Variants in BBS9 observed in about 807,000 individuals in gnomAD.
The protein encoded by BBS9 is Bardet-Biedl syndrome 9.
BBS9 carries 89 observed loss-of-function variants against 117.7 expected under a neutral mutation model. The observed-to-expected ratio is 0.76, with a 90% confidence interval of 0.64 to 0.90. BBS9 has a LOEUF of 0.90. BBS9 is among the 40% of genes least tolerant of loss of function. BBS9 has a pLI of 0.00. For missense variants in BBS9, 982 were observed against 1,042.2 expected, an observed-to-expected ratio of 0.94 and a Z score of 0.80; for synonymous variants, 379 against 370.9, an observed-to-expected ratio of 1.02 and a Z score of -0.25.
At chr7:33,294,592 G>A (rs980964796) in intron 9 of BBS9, among the ~76,000 whole-genome samples, 5 of 152,104 alleles carry the variant, frequency 3.3e-5, no homozygotes, top group African/African-American at 9.7e-5. Context: ...GGATACCCAA[G>A]CTTTAAGAGG....
chr7:33,475,106 GT>G (rs1248506298), intron 19 of BBS9, among the ~76,000 whole-genome samples: 1 of 152,182 alleles, frequency 6.6e-6, no homozygotes, highest in Non-Finnish European at 1.5e-5. Flanking sequence ...GGCTCTAGGG[GT>G]TGGCAAACTT....
chr7:33,579,654 A>T (rs1033966453), intron 21 of BBS9, among the ~76,000 whole-genome samples: 2 of 152,236 alleles, frequency 1.3e-5, no homozygotes, highest in Non-Finnish European at 1.5e-5. Context: ...TTCAGAATCC[A>T]TTTCAATAAA....
At chr7:33,148,937 G>A (rs17169847) in intron 2 of BBS9, among the ~76,000 whole-genome samples, 24,610 of 152,078 alleles carry the variant, frequency 0.16, 2,131 homozygotes, top group South Asian at 0.22. Context: ...AAGTTTTCAT[G>A]CTCTTTAGCA....
chr7:33,197,558 T>C (rs1225238952), intron 5 of BBS9, among the ~76,000 whole-genome samples: 1 of 152,050 alleles, frequency 6.6e-6, no homozygotes. Flanking sequence ...ATGCTTAATA[T>C]GAAAAGCAAC....
chr7:33,534,275 G>T, intron 21 of BBS9, 99 bp downstream of exon 21: 2 of 1,282,060 alleles, frequency 1.6e-6, no homozygotes, highest in Non-Finnish European at 1.1e-6. Flanking sequence ...TCATATTAAA[G>T]TGATGATAGC....
At position 33,260,885 on chromosome 7, in the gene BBS9, A is replaced by G. The variant is rs1413832240; in HGVS notation, c.618-3405A>G. Among the ~76,000 whole-genome samples, 2 of 152,214 alleles carry G rather than the reference A, an allele frequency of 1.3e-5. 1 individual carries two copies. The highest frequency in any genetic ancestry group is 4.8e-5 in the African/African-American group (2 of 41,446). On this transcript the variant is annotated intron_variant, in intron 6 of 22. Transcript: ENST00000242067. ...CTGTCTGCTATACCCCTTCCCCAGC[A>G]ACCCCTCAATAGCTCCTAATACATC...
chr7:33,161,972 G>GT (rs1289756870), intron 4 of BBS9, among the ~76,000 whole-genome samples: 1 of 152,082 alleles, frequency 6.6e-6, no homozygotes, highest in Non-Finnish European at 1.5e-5. Flanking sequence ...GGAATTGTTT[G>GT]TTTTTTTCTT....
chr7:33,394,836 T>A (rs1827673536), intron 19 of BBS9, among the ~76,000 whole-genome samples: 1 of 152,210 alleles, frequency 6.6e-6, no homozygotes, highest in African/African-American at 2.4e-5. Context: ...ATTTTATTTA[T>A]TACTTCATTT....
At chr7:33,139,986 T>C (rs911808396) in intron 1 of BBS9, among the ~76,000 whole-genome samples, 1 of 152,120 alleles carries the variant, frequency 6.6e-6, no homozygotes, top group Admixed American at 6.5e-5. Flanking sequence ...TTTGTTTTGA[T>C]CTCAGTGAAT....
intron 18 of BBS9, 146 bp downstream of exon 18, chr7:33,383,984 T>C: frequency 2.3e-6 from 2 of 853,106 alleles, no homozygotes; most frequent in East Asian, 2.7e-5. Context: ...CGTGAATCCA[T>C]TCCTGCCCAC....
chr7:33,582,849 C>T (rs2129163555), intron 21 of BBS9, among the ~76,000 whole-genome samples: 1 of 152,256 alleles, frequency 6.6e-6, no homozygotes, highest in East Asian at 1.9e-4. Flanking sequence ...CCCCTTATGA[C>T]TGCCATGGTG....
At chr7:33,448,931 C>T (rs1837374580) in intron 19 of BBS9, among the ~76,000 whole-genome samples, 1 of 152,188 alleles carries the variant, frequency 6.6e-6, no homozygotes, top group Admixed American at 6.5e-5. Flanking sequence ...CATTTCCTCC[C>T]AGAGGACAAG....
chr7:33,622,253 A>T (rs1035776253), intron 21 of BBS9, among the ~76,000 whole-genome samples: 1 of 152,062 alleles, frequency 6.6e-6, no homozygotes, highest in Non-Finnish European at 1.5e-5. Flanking sequence ...ATACTGCATG[A>T]CCTCACTTAT....
chr7:33,254,525 A>G (rs76398692), intron 5 of BBS9, among the ~76,000 whole-genome samples: 5,763 of 152,256 alleles, frequency 0.038, 197 homozygotes, highest in African/African-American at 0.088. Context: ...TTTTGTGATG[A>G]GAACAAAGAT....
intron 5 of BBS9, 48 bp from the exon 6 acceptor site, chr7:33,257,188 T>C: frequency 7.8e-7 from 1 of 1,275,258 alleles, no homozygotes; most frequent in East Asian, 2.6e-5. Flanking sequence ...AAAAATATTA[T>C]ATTTATAAAA....
intron 14 of BBS9, among the ~76,000 whole-genome samples, chr7:33,352,519 A>G (rs563602153): frequency 1.4e-4 from 21 of 152,292 alleles, no homozygotes; most frequent in Middle Eastern, 3.4e-3. Context: ...AAATATTAAT[A>G]TTATGTATTT....
At chr7:33,285,244 A>G (rs1802653570) in intron 9 of BBS9, among the ~76,000 whole-genome samples, 2 of 152,106 alleles carry the variant, frequency 1.3e-5, no homozygotes, top group Non-Finnish European at 2.9e-5. Flanking sequence ...TCTGAATCAG[A>G]TGGGGCAGTG....
intron 5 of BBS9, among the ~76,000 whole-genome samples, chr7:33,243,510 C>G (rs1794863750): frequency 6.6e-6 from 1 of 152,104 alleles, no homozygotes; most frequent in Admixed American, 6.6e-5. Context: ...GCAGAGGGAG[C>G]CTTTGTCTCA....
intron 21 of BBS9, among the ~76,000 whole-genome samples, chr7:33,635,104 G>A (rs1403560296): frequency 6.6e-6 from 1 of 152,190 alleles, no homozygotes; most frequent in Non-Finnish European, 1.5e-5. Context: ...TGAGGGACAT[G>A]GCATGGATGT....
Sources: gnomAD v4.1 joint callset for allele counts (sites outside exome capture counted in the v4.1 genomes callset) on GRCh38, gnomAD v4.1.1 for gene constraint, MANE v1.5 for transcripts, NCBI Gene and HGNC (gene_info 2026-07-23, HGNC 2026-07-21) for gene names.